The following PLPPR1 variants were observed in gnomAD, a reference collection of about 807,000 sequenced individuals.
The protein encoded by PLPPR1 is phospholipid phosphatase-related protein type 1.
PLPPR1 carries 10 observed loss-of-function variants against 33.1 expected under a neutral mutation model. The observed-to-expected ratio is 0.30, with a 90% CI of 0.19 to 0.51. The LOEUF (loss-of-function observed/expected upper bound fraction) is 0.51, where lower values mean the gene tolerates loss of function less well. PLPPR1 is among the 20% of genes least tolerant of loss of function. The probability of loss-of-function intolerance (pLI) is 0.97; values close to 1 mark genes in which losing one functional copy is unlikely to be tolerated. For missense variants in PLPPR1, 304 were observed against 408.1 expected (o/e 0.74, Z 2.20); for synonymous variants, 151 against 151.0 (o/e 1.00, Z 0.00).
At chr9:101,192,879 T>C (rs1242861570) in intron 2 of PLPPR1, among the ~76,000 whole-genome samples, 1 of 152,224 alleles carries the variant, frequency 6.6e-6, no homozygotes, top group Non-Finnish European at 1.5e-5. Context: ...CTGCATGCAT[T>C]TTCTTACTTA....
At chr9:101,206,534 T>G (rs1349083839) in intron 2 of PLPPR1, among the ~76,000 whole-genome samples, 1 of 152,148 alleles carries the variant, frequency 6.6e-6, no homozygotes, top group Non-Finnish European at 1.5e-5. Context: ...GCTTTTGAGT[T>G]GTGGGCACAT....
At chr9:101,108,857 T>G (rs1296432738) in intron 1 of PLPPR1, among the ~76,000 whole-genome samples, 1 of 152,184 alleles carries the variant, frequency 6.6e-6, no homozygotes, top group Non-Finnish European at 1.5e-5. Flanking sequence ...ATTAGTGTTA[T>G]TCCTGAATTA....
chr9:101,175,163 G>C (rs1372621723), intron 1 of PLPPR1, among the ~76,000 whole-genome samples: 1 of 152,030 alleles, frequency 6.6e-6, no homozygotes, highest in Non-Finnish European at 1.5e-5. Context: ...TCTGATAGGG[G>C]AACACCAACA....
chr9:101,160,687 T>C (rs990590925), intron 1 of PLPPR1, among the ~76,000 whole-genome samples: 3 of 152,082 alleles, frequency 2.0e-5, no homozygotes, highest in Admixed American at 2.0e-4. Context: ...AATTCCTGGA[T>C]AAAAGACTTA....
intron 2 of PLPPR1, among the ~76,000 whole-genome samples, chr9:101,247,631 C>G (rs1463193858): frequency 6.6e-6 from 1 of 151,940 alleles, no homozygotes; most frequent in Non-Finnish European, 1.5e-5. Context: ...TGAATCTTGC[C>G]TTTCACCCAT....
intron 4 of PLPPR1, among the ~76,000 whole-genome samples, chr9:101,301,585 T>G (rs1045014297): frequency 5.6e-4 from 85 of 152,224 alleles, no homozygotes; most frequent in African/African-American, 2.0e-3. Context: ...CTTTGGTGTT[T>G]GTGCAGTATC....
At chr9:101,321,587 A>G (rs9886816) in intron 7 of PLPPR1, among the ~76,000 whole-genome samples, 1 of 152,116 alleles carries the variant, frequency 6.6e-6, no homozygotes, top group Non-Finnish European at 1.5e-5. Flanking sequence ...CACAATGTAC[A>G]TGAGCAATCA....
At chr9:101,178,645 G>C (rs1379318196) in intron 1 of PLPPR1, among the ~76,000 whole-genome samples, 2 of 152,162 alleles carry the variant, frequency 1.3e-5, no homozygotes, top group African/African-American at 4.8e-5. Context: ...TCCTGAAGCA[G>C]CTAGAATGAT....
chr9:101,300,938 A>T (rs1027877899), intron 4 of PLPPR1, among the ~76,000 whole-genome samples: 2 of 152,236 alleles, frequency 1.3e-5, no homozygotes, highest in African/African-American at 2.4e-5. Context: ...GAGAAGGCTC[A>T]TATTTGTGAG....
chr9:101,300,012 G>A (rs1270116849), intron 4 of PLPPR1, among the ~76,000 whole-genome samples: 3 of 151,748 alleles, frequency 2.0e-5, no homozygotes, highest in South Asian at 2.1e-4. Context: ...GTTTTTTTAA[G>A]TATATTTCAA....
chr9:101,139,393 G>T (rs1053537437), intron 1 of PLPPR1, among the ~76,000 whole-genome samples: 2 of 152,126 alleles, frequency 1.3e-5, no homozygotes, highest in African/African-American at 4.8e-5. Context: ...AGGAGAGAGA[G>T]AATCTGACTA....
At chr9:101,074,553 G>A (rs939465315) in intron 1 of PLPPR1, among the ~76,000 whole-genome samples, 6 of 151,980 alleles carry the variant, frequency 3.9e-5, no homozygotes, top group African/African-American at 1.4e-4. Flanking sequence ...AGAAAATGGG[G>A]CAGTGCAAGG....
intron 1 of PLPPR1, among the ~76,000 whole-genome samples, chr9:101,045,890 C>T (rs1588005491): frequency 6.6e-6 from 1 of 152,204 alleles, no homozygotes; most frequent in Non-Finnish European, 1.5e-5. Flanking sequence ...ATCTCTGGGA[C>T]ATTGTTCATT....
rs1418270920 is a variant in PLPPR1, at chr9:101,307,229, AC to A, written c.386-1980del. Among the ~76,000 whole-genome samples the A allele has an allele frequency of 1.4e-4, 22 of 152,322 alleles. No individual in the cohort carries two copies. In the South Asian group the frequency reaches 3.5e-3, roughly 24 times the overall value. On this transcript the variant is annotated intron_variant, in intron 4 of 7. Coordinates refer to ENST00000374874, the MANE Select transcript of PLPPR1 (RefSeq NM_207299.2). The stretch of plus-strand genomic sequence containing the variant: ...AGCTGGCCACCATACAATCGCTGTG[AC>A]CACAGAGCTGGCACTGACCCAAGGA...
intron 1 of PLPPR1, among the ~76,000 whole-genome samples, chr9:101,045,228 A>G (rs2118429760): frequency 6.6e-6 from 1 of 152,348 alleles, no homozygotes; most frequent in East Asian, 1.9e-4. Flanking sequence ...AACCATTTTG[A>G]CCCGAATCAC....
Position 101,309,464 on chromosome 9 carries a change from G to A in PLPPR1, c.636+3G>A, listed in dbSNP as rs1196320189. On this transcript the variant is annotated splice_donor_region_variant and intron_variant, in intron 5 of 7. Transcript: ENST00000374874. ...TTTACTCCGCCTTATATGCCACGGTGAGTGTGCAAGTCTTGTCTCTCCTAA... is the reference window on the plus strand; with the variant it reads ...TTTACTCCGCCTTATATGCCACGGTAAGTGTGCAAGTCTTGTCTCTCCTAA... The A allele has an allele frequency of 1.9e-6, 3 of 1,613,424 alleles. No individual in the cohort carries two copies. Among genetic ancestry groups the A allele is most frequent in the Non-Finnish European group, 2.5e-6 (3 of 1,179,540 alleles).
chr9:101,199,166 G>A (rs1466169804), intron 2 of PLPPR1, among the ~76,000 whole-genome samples: 2 of 152,084 alleles, frequency 1.3e-5, no homozygotes, highest in Non-Finnish European at 1.5e-5. Context: ...CCCACTTTCC[G>A]TAATACATAG....
At chr9:101,115,822 G>A (rs987698643) in intron 1 of PLPPR1, among the ~76,000 whole-genome samples, 6 of 152,084 alleles carry the variant, frequency 3.9e-5, no homozygotes, top group Admixed American at 2.6e-4. Flanking sequence ...GGGATTTCTT[G>A]CTTTCCTTAT....
At chr9:101,102,252 G>A (rs1830913697) in intron 1 of PLPPR1, among the ~76,000 whole-genome samples, 4 of 120,848 alleles carry the variant, frequency 3.3e-5, no homozygotes, top group East Asian at 2.9e-4. Flanking sequence ...CCACTAACTC[G>A]TCATCTAGCA....
Sources: allele counts gnomAD v4.1 joint callset (sites outside exome capture counted in the v4.1 genomes callset), GRCh38; gene constraint gnomAD v4.1.1; transcripts MANE v1.5; gene names NCBI Gene and HGNC (gene_info 2026-07-23, HGNC 2026-07-21).